Variants in TET1 observed in about 807,000 individuals in gnomAD.
The protein encoded by TET1 is tet methylcytosine dioxygenase 1.
A neutral mutation model predicts 148.7 loss-of-function variants in TET1; 13 were observed. That is an observed-to-expected ratio of 0.09 (90% CI 0.06 to 0.14). The LOEUF (loss-of-function observed/expected upper bound fraction) is 0.14, where lower values mean the gene tolerates loss of function less well. TET1 is among the 10% of genes least tolerant of loss of function. TET1 has a pLI of 1.00. For missense variants in TET1, 2,182 were observed against 2,553.8 expected (o/e 0.85, Z 3.14); for synonymous variants, 907 against 937.2 (o/e 0.97, Z 0.59).
chr10:68,657,525 G>C lies in TET1; in HGVS notation c.4461+4931G>C, dbSNP rs144988993. ...GTGGTGGTGTGCACCTGTGGTCCCA[G>C]CTACTCTGGAGGCTGGACGATTGCT... is the stretch of plus-strand genomic sequence containing the variant. On this transcript the variant is annotated intron_variant, in intron 6 of 11. Coordinates refer to ENST00000373644, the MANE Select transcript of TET1 (RefSeq NM_030625.3). 1.8e-3 allele frequency among the ~76,000 whole-genome samples: 276 copies of C among 152,254 alleles called. 1 individual carries two copies. Among genetic ancestry groups the C allele is most frequent in the Admixed American group, 0.015 (234 of 15,280 alleles).
chr10:68,624,546 C>T (rs1177090715), intron 3 of TET1, among the ~76,000 whole-genome samples: 3 of 152,100 alleles, frequency 2.0e-5, no homozygotes, highest in Admixed American at 6.6e-5. Flanking sequence ...ACCTCAGCCT[C>T]CCAAAGTGCT....
rs148029410 is a variant in TET1 at position 68,640,206 on chromosome 10, C to A, written c.1969-4492C>A. Among the ~76,000 whole-genome samples, 576 of 151,156 alleles carry A rather than the reference C, an allele frequency of 3.8e-3. 2 individuals carry two copies. The highest frequency in any genetic ancestry group is 0.013 in the African/African-American group (543 of 41,158). Reference sequence around the variant, plus strand: ...CCTCCCAAAGTGCTGGGATTACAGGCGGAAGCTGACATGCCCTGTCTGTCA... The same window carrying A: ...CCTCCCAAAGTGCTGGGATTACAGGAGGAAGCTGACATGCCCTGTCTGTCA... On this transcript the variant is annotated intron_variant, in intron 3 of 11. Transcript: ENST00000373644.
At position 68,572,753 on chromosome 10, in the gene TET1, G is replaced by A. The variant is rs149031299; in HGVS notation, c.415G>A (p.Asp139Asn). The change falls in exon 2 of 12, where the codon GAT becomes AAT. Residue 139 changes from aspartate to asparagine, a missense_variant. Asp to Asn is a conservative substitution (Grantham distance 23, BLOSUM62 1). This residue lies in a region of TET1 where 665 missense variants were observed against 672.4 expected (regional missense o/e 0.99). Transcript: ENST00000373644. ...PLSKGLEKQHDCDYKILPALG... is the reference protein window; with the variant it reads ...PLSKGLEKQHNCDYKILPALG... ...TTCTAAGGGTTTAGAAAAGCAACATGATTGTGATTATAAGATACTCCCTGC... is the reference window on the plus strand; with the variant it reads ...TTCTAAGGGTTTAGAAAAGCAACATAATTGTGATTATAAGATACTCCCTGC... 3.4e-4 allele frequency: 551 copies of A among 1,614,144 alleles called. No individual in the cohort carries two copies. In the African/African-American group the frequency reaches 6.0e-3, roughly 18 times the overall value.
rs537714278 is a variant in TET1 at position 68,686,023 on chromosome 10, A to G, written c.5053-333A>G. Among the ~76,000 whole-genome samples, 20 of 152,350 alleles carry G rather than the reference A, an allele frequency of 1.3e-4. No individual in the cohort carries two copies. In the South Asian group the frequency reaches 3.9e-3, roughly 30 times the overall value. ...TACTTAATATGAACACAATAAACAT[A>G]GTTCAATAGCCATTCCTTAATTTAG... On this transcript the variant is annotated intron_variant, in intron 10 of 11. Coordinates refer to ENST00000373644, the MANE Select transcript of TET1 (RefSeq NM_030625.3).
At chr10:68,686,314 G>T in intron 10 of TET1, 42 bp from the exon 11 acceptor site, 2 of 1,501,098 alleles carry the variant, frequency 1.3e-6, no homozygotes, top group South Asian at 2.6e-5. Context: ...GAATGTGCAC[G>T]ACCCGTATAT....
chr10:68,597,761 C>G (rs1377312723), intron 2 of TET1, among the ~76,000 whole-genome samples: 1 of 152,128 alleles, frequency 6.6e-6, no homozygotes, highest in African/African-American at 2.4e-5. Context: ...ATTGTTCAGC[C>G]TTCAAAATGA....
At chr10:68,655,553 A>C (rs2055008921) in intron 6 of TET1, among the ~76,000 whole-genome samples, 1 of 152,192 alleles carries the variant, frequency 6.6e-6, no homozygotes, top group South Asian at 2.1e-4. Context: ...AAATGTAACT[A>C]GGCTTATTGG....
At chr10:68,674,524 G>A in intron 8 of TET1, 1 of 511,668 alleles carries the variant, frequency 2.0e-6, no homozygotes, top group South Asian at 1.8e-5. Flanking sequence ...TTTGAAGTGA[G>A]TCTTGCTGAT....
intron 8 of TET1, among the ~76,000 whole-genome samples, chr10:68,679,610 A>G (rs1368530147): frequency 6.6e-6 from 1 of 152,182 alleles, no homozygotes; most frequent in East Asian, 1.9e-4. Context: ...CTCCCAAATA[A>G]ACATAATAAT....
intron 1 of TET1, among the ~76,000 whole-genome samples, chr10:68,561,499 G>A (rs932627378): frequency 6.6e-6 from 1 of 152,168 alleles, no homozygotes; most frequent in African/African-American, 2.4e-5. Flanking sequence ...TGGACGCGCT[G>A]GCCTTGCGAT....
chr10:68,570,146 C>T (rs1388758656), intron 1 of TET1, among the ~76,000 whole-genome samples: 1 of 151,698 alleles, frequency 6.6e-6, no homozygotes, highest in Non-Finnish European at 1.5e-5. Flanking sequence ...GCTCTGTCAC[C>T]CAGGCTGGAG....
chr10:68,649,465 G>C (rs2054899518), intron 4 of TET1, among the ~76,000 whole-genome samples: 1 of 152,012 alleles, frequency 6.6e-6, no homozygotes, highest in Non-Finnish European at 1.5e-5. Context: ...AAATTAGCCG[G>C]GCATGGTGGC....
At chr10:68,624,650 TTCTTTCTTTCTCTC>T (rs1296896524) in intron 3 of TET1, among the ~76,000 whole-genome samples, 97 of 57,050 alleles carry the variant, frequency 1.7e-3, no homozygotes, top group African/African-American at 7.9e-3. Flanking sequence ...CTTTCTTTCT[TTCTTTCTTTCTCTC>T]TCTCTCTCTC....
chr10:68,675,306 G>A (rs769288276), intron 8 of TET1, among the ~76,000 whole-genome samples: 37 of 152,178 alleles, frequency 2.4e-4, no homozygotes, highest in Non-Finnish European at 4.6e-4. Flanking sequence ...GGTCTAGTTT[G>A]ATGCACTAAG....
intron 11 of TET1, among the ~76,000 whole-genome samples, chr10:68,688,878 A>G (rs1054053672): frequency 2.6e-5 from 4 of 152,220 alleles, no homozygotes; most frequent in African/African-American, 9.6e-5. Context: ...AATTAACATT[A>G]TAATGTATTC....
At chr10:68,665,015 T>C (rs1043602475) in intron 6 of TET1, among the ~76,000 whole-genome samples, 32 of 152,136 alleles carry the variant, frequency 2.1e-4, no homozygotes, top group African/African-American at 6.7e-4. Flanking sequence ...CAAGCAATCC[T>C]CTCACCTCTA....
rs185209446 is a variant in TET1, at chr10:68,644,246, G to A, written c.1969-452G>A. Among the ~76,000 whole-genome samples the A allele has an allele frequency of 7.0e-3, 1,058 of 152,212 alleles. 9 individuals carry two copies. Among genetic ancestry groups the A allele is most frequent in the African/African-American group, 0.024 (1,008 of 41,540 alleles). ...AGAAGAGGTCTCACTTTGTCACCCA[G>A]GCTGGAGTATAGTAGCACAGTCCTG... On this transcript the variant is annotated intron_variant, in intron 3 of 11. Coordinates refer to ENST00000373644, the MANE Select transcript of TET1 (RefSeq NM_030625.3).
Position 68,693,312 on chromosome 10 carries a change from A to G in TET1, c.*1498A>G, listed in dbSNP as rs969321277. 3 of 233,282 alleles carry G rather than the reference A, an allele frequency of 1.3e-5. No individual in the cohort carries two copies. Among genetic ancestry groups the G allele is most frequent in the African/African-American group, 4.4e-5 (2 of 45,414 alleles). 14.5% of individuals were successfully genotyped at this position (233,282 alleles called of 1,614,324 possible). A position where few individuals can be genotyped will look rare whatever the true frequency, so the allele number is the denominator to read the frequency against. On this transcript the variant is annotated 3_prime_UTR_variant, in exon 12 of 12. Transcript: ENST00000373644. ...TGTTAAAATGCAGAGGTGCTATAACATTCAAAGTGTCAGATTCCTTGGGAG... is the reference window on the plus strand; with the variant it reads ...TGTTAAAATGCAGAGGTGCTATAACGTTCAAAGTGTCAGATTCCTTGGGAG...
chr10:68,607,446 G>A (rs1026960451), intron 3 of TET1, among the ~76,000 whole-genome samples: 1 of 145,294 alleles, frequency 6.9e-6, no homozygotes, highest in Non-Finnish European at 1.5e-5. Flanking sequence ...TTGTTTATTT[G>A]TTCTTGAGAC....
Sources: gnomAD v4.1 joint callset for allele counts (sites outside exome capture counted in the v4.1 genomes callset) on GRCh38, gnomAD v4.1.1 for gene constraint, gnomAD v4.1.1 regional missense constraint, MANE v1.5 for transcripts, NCBI Gene and HGNC (gene_info 2026-07-23, HGNC 2026-07-21) for gene names.